The following ECI1 variants were observed in gnomAD, a reference collection of about 807,000 sequenced individuals.
ECI1 encodes enoyl-CoA delta isomerase 1.
Under a neutral mutation model 34.2 loss-of-function variants are expected in ECI1, and 34 were observed. The ratio of observed to expected loss-of-function variants is 1.00; its 90% CI spans 0.76 to 1.33. ECI1 has a LOEUF of 1.33. Among genes scored for constraint, ECI1 ranks in the 40% most tolerant of loss-of-function variants. The pLI, the probability that ECI1 is intolerant of heterozygous loss-of-function variation, is 0.00. For missense variants in ECI1, 456 were observed against 422.2 expected (o/e 1.08, Z -0.70); for synonymous variants, 211 against 193.0 (o/e 1.09, Z -0.77).
intron 2 of ECI1, among the ~76,000 whole-genome samples, chr16:2,250,978 AT>A (rs2093551913): frequency 6.6e-6 from 1 of 151,594 alleles, no homozygotes; most frequent in African/African-American, 2.4e-5. Context: ...CGCCCAGCTA[AT>A]TTTTTTCTTT....
At position 2,244,485 on chromosome 16, in the gene ECI1, T is replaced by C. The variant is rs1439337966; in HGVS notation, c.362A>G (p.Tyr121Cys). 3.1e-6 allele frequency: 5 copies of C among 1,609,870 alleles called. No individual in the cohort carries two copies. Among genetic ancestry groups the C allele is most frequent in the African/African-American group, 2.7e-5 (2 of 75,000 alleles). Residue 121 changes from tyrosine (Y) to cysteine (C), a missense_variant, in exon 4 of 7, where the codon TAC becomes TGC. Tyr to Cys is a radical substitution (Grantham distance 194). Coordinates refer to ENST00000301729, the MANE Select transcript of ECI1 (RefSeq NM_001919.4). ...CTGAACGGCCTTCCAGTACCCAGCG[T>C]AGTGGGCGGGGCTCCTCCCACACAT... ...TEMCGRSPAH[Y>C]AGYWKAVQEL...
Position 2,244,542 on chromosome 16 carries a change from C to G in ECI1, c.305G>C (p.Gly102Ala), listed in dbSNP as rs1271357999. Residue 102 changes from glycine (G) to alanine (A), a missense_variant, in exon 4 of 7, where the codon GGT (glycine) becomes GCT (alanine). Gly to Ala is a moderately conservative substitution (Grantham distance 60). Transcript: ENST00000301729. ...CAGGTCCAGGCCGGCCGAGAAGACA[C>G]CCGGGCGGTCCTGCAGGGGGAGCCG... Reference protein sequence around the residue: ...RGVILTSDRPGVFSAGLDLTE... With the variant: ...RGVILTSDRPAVFSAGLDLTE... 2 of 1,586,008 alleles carry G rather than the reference C, an allele frequency of 1.3e-6. No individual in the cohort carries two copies. Among genetic ancestry groups the G allele is most frequent in the Admixed American group, 3.6e-5 (2 of 56,112 alleles).
At chr16:2,246,771 C>T (rs2093541193) in intron 3 of ECI1, 88 bp downstream of exon 3, 2 of 1,596,406 alleles carry the variant, frequency 1.3e-6, no homozygotes, top group South Asian at 1.1e-5. Context: ...GCAGGCTCTG[C>T]CTCTTCCATG....
At chr16:2,249,610 G>A (rs80189676) in intron 2 of ECI1, among the ~76,000 whole-genome samples, 1 of 150,990 alleles carries the variant, frequency 6.6e-6, no homozygotes, top group Non-Finnish European at 1.5e-5. Flanking sequence ...GGTGGCTCAC[G>A]CCTGTAATCC....
chr16:2,244,600 C>G (rs1453360101), intron 3 of ECI1, 48 bp from the exon 4 acceptor site: 1 of 1,552,620 alleles, frequency 6.4e-7, no homozygotes, highest in South Asian at 1.2e-5. Context: ...CACCTCCCAG[C>G]TGGCATCACA....
In ECI1 at chr16:2,244,489, GGGC is replaced by G; in HGVS notation, c.355_357del (p.Ala119del). ...ACGGCCTTCCAGTACCCAGCGTAGT[GGGC>G]GGGGCTCCTCCCACACATCTCCGTC... is the stretch of plus-strand genomic sequence containing the variant. On this transcript the variant is annotated inframe_deletion, in exon 4 of 7. Transcript: ENST00000301729. 5.0e-6 allele frequency: 8 copies of G among 1,609,068 alleles called. No homozygotes were observed. The highest frequency in any genetic ancestry group is 6.8e-6 in the Non-Finnish European group (8 of 1,178,382).
rs1355112987 is a variant in ECI1, at chr16:2,243,431, G to A, written c.450C>T (p.Cys150=). The change falls in exon 5 of 7, where the codon TGC becomes TGT. Residue 150 remains cysteine (C), a synonymous_variant. Coordinates refer to ENST00000301729, the MANE Select transcript of ECI1 (RefSeq NM_001919.4). ...LVLVSAINGA[C]PAGGCLVALT... ...GGGCCACCAGGCAGCCTCCAGCGGG[G>A]CAGGCTCCCTGCAGGGAGAGGCCGG... 5 of 1,612,934 alleles carry A rather than the reference G, an allele frequency of 3.1e-6. No homozygotes were observed. The East Asian group carries it at 1.1e-4, about 36-fold the overall frequency.
intron 2 of ECI1, among the ~76,000 whole-genome samples, chr16:2,249,456 T>C (rs75070334): frequency 6.6e-6 from 1 of 152,144 alleles, no homozygotes; most frequent in East Asian, 1.9e-4. Flanking sequence ...GAATGGTAAA[T>C]GTGAGGCATA....
intron 2 of ECI1, among the ~76,000 whole-genome samples, chr16:2,247,333 G>A (rs1223691335): frequency 2.0e-5 from 3 of 152,288 alleles, no homozygotes; most frequent in South Asian, 2.1e-4. Flanking sequence ...TTGACCTCGC[G>A]ATCTGCCCAC....
At position 2,251,318 on chromosome 16, in the gene ECI1, G is replaced by A. The variant is rs536340765; in HGVS notation, c.164C>T (p.Ala55Val). Reference protein sequence around the residue: ...QRVLVEPDAGAGVAVMKFKNP... With the variant: ...QRVLVEPDAGVGVAVMKFKNP... ...CTCCCTCGGCGCCGCCCGCTCACCT[G>A]CGCCCGCGTCCGGCTCCACCAGCAC... The change falls in exon 2 of 7, where the codon GCA becomes GTA. Residue 55 changes from alanine to valine, a missense_variant and splice_region_variant. By Grantham distance (64) the Ala-to-Val change is moderately conservative. Transcript: ENST00000301729. The A allele has an allele frequency of 8.0e-4, 977 of 1,215,054 alleles. 11 individuals carry two copies. The African/African-American group carries it at 0.015, about 18-fold the overall frequency. 75.3% of individuals were successfully genotyped at this position (1,215,054 alleles called of 1,614,324 possible).
chr16:2,251,535 G>T lies in ECI1; in HGVS notation c.32C>A (p.Ala11Glu). 1 of 1,560,218 alleles carries T rather than the reference G, an allele frequency of 6.4e-7. No individual in the cohort carries two copies. The highest frequency in any genetic ancestry group is 8.7e-7 in the Non-Finnish European group (1 of 1,153,482). MALVASVRVP[A>E]RVLLRAGARL... ...CGCACCCGCGCGGAGCAGAACGCGC[G>T]CCGGGACTCGCACAGAAGCCACCAG... Residue 11 changes from alanine to glutamate, a missense_variant, in exon 1 of 7, where the codon GCG (alanine) becomes GAG (glutamate). Physicochemically the swap from Ala to Glu is moderately radical, Grantham distance 107. Transcript: ENST00000301729.
rs148169749 is a variant in ECI1, at chr16:2,243,428, G to A, written c.453C>T (p.Pro151=). 9.9e-5 allele frequency: 159 copies of A among 1,613,034 alleles called. 1 individual carries two copies. In the Middle Eastern group the frequency reaches 5.2e-3, roughly 53 times the overall value. Residue 151 remains proline (P), a synonymous_variant, in exon 5 of 7, where the codon CCC becomes CCT. Transcript: ENST00000301729. ...TCAGGGCCACCAGGCAGCCTCCAGCGGGGCAGGCTCCCTGCAGGGAGAGGC... is the reference window on the plus strand; with the variant it reads ...TCAGGGCCACCAGGCAGCCTCCAGCAGGGCAGGCTCCCTGCAGGGAGAGGC... ...VLVSAINGAC[P]AGGCLVALTC...
In ECI1 at chr16:2,243,401, G is replaced by A; in HGVS notation, c.480C>T (p.Thr160=). The A allele has an allele frequency of 1.2e-6, 2 of 1,613,626 alleles. No individual in the cohort carries two copies. The highest frequency in any genetic ancestry group is 1.7e-6 in the Non-Finnish European group (2 of 1,180,026). Residue 160 remains threonine (T), a synonymous_variant, in exon 5 of 7, where the codon ACC becomes ACT. Coordinates refer to ENST00000301729, the MANE Select transcript of ECI1 (RefSeq NM_001919.4). ...TGTCCGCCAGGATGCGGTAGTCACA[G>A]GTCAGGGCCACCAGGCAGCCTCCAG... ...CPAGGCLVAL[T]CDYRILADNP... is the part of the protein sequence containing the mutation.
chr16:2,244,107 G>A (rs1268857309), intron 4 of ECI1: 3 of 484,182 alleles, frequency 6.2e-6, no homozygotes, highest in East Asian at 3.8e-5. Flanking sequence ...ATGTGGGTCC[G>A]ATCACCCACT....
chr16:2,248,934 A>T (rs996057195), intron 2 of ECI1, among the ~76,000 whole-genome samples: 4 of 152,130 alleles, frequency 2.6e-5, no homozygotes, highest in Non-Finnish European at 4.4e-5. Context: ...CATATTCCAT[A>T]TCACTGGGAT....
At position 2,239,993 on chromosome 16, in the gene ECI1, CTTT is replaced by C. The variant is rs748298321; in HGVS notation, c.892_894del (p.Lys298del). 2 of 1,613,818 alleles carry C rather than the reference CTTT, an allele frequency of 1.2e-6. No homozygotes were observed. The highest frequency in any genetic ancestry group is 1.6e-4 in the Middle Eastern group (1 of 6,062). On this transcript the variant is annotated inframe_deletion, in exon 7 of 7. Coordinates refer to ENST00000301729, the MANE Select transcript of ECI1 (RefSeq NM_001919.4). Reference sequence around the variant, plus strand: ...CAGCCCAATCGTTAGCCTTTTTCTTCTTTGAGCCTCTCTAAGTACATCTGCAGG... The same window carrying C: ...CAGCCCAATCGTTAGCCTTTTTCTTCGAGCCTCTCTAAGTACATCTGCAGG...
chr16:2,242,181 T>C (rs138782664), intron 6 of ECI1, among the ~76,000 whole-genome samples: 3,214 of 151,604 alleles, frequency 0.021, 111 homozygotes, highest in Admixed American at 0.095. Flanking sequence ...TTAGTAGAGA[T>C]GGGGTTTCAC....
At chr16:2,248,444 T>C (rs1297710381) in intron 2 of ECI1, among the ~76,000 whole-genome samples, 2 of 147,194 alleles carry the variant, frequency 1.4e-5, no homozygotes, top group African/African-American at 5.1e-5. Context: ...GACAAGAGCC[T>C]CGCTCTGTTG....
At chr16:2,247,037 G>A (rs2093542059) in intron 2 of ECI1, 51 bp from the exon 3 acceptor site, 1 of 1,598,244 alleles carries the variant, frequency 6.3e-7, no homozygotes, top group African/African-American at 1.3e-5. Context: ...TGGAAAAGCA[G>A]CCTGACCAGC....
Sources: gnomAD v4.1 joint callset for allele counts (sites outside exome capture counted in the v4.1 genomes callset) on GRCh38, gnomAD v4.1.1 for gene constraint, MANE v1.5 for transcripts, NCBI Gene and HGNC (gene_info 2026-07-23, HGNC 2026-07-21) for gene names.